The following INO80D variants were observed in gnomAD, a reference collection of about 807,000 sequenced individuals.
The protein encoded by INO80D is INO80 complex subunit D.
Under a neutral mutation model 87.6 loss-of-function variants are expected in INO80D, and 21 were observed. The observed-to-expected ratio is 0.24, with a 90% confidence interval of 0.17 to 0.35. The LOEUF (loss-of-function observed/expected upper bound fraction) is 0.35. Among genes scored for constraint, INO80D ranks in the 10% least tolerant of loss-of-function variants. INO80D has a pLI of 1.00. For synonymous variants in INO80D, 440 were observed against 491.0 expected, an observed-to-expected ratio of 0.90 and a Z score of 1.37; for missense variants, 982 against 1,280.7, an observed-to-expected ratio of 0.77 and a Z score of 3.56.
chr2:206,056,199 T>C lies in INO80D; in HGVS notation c.963A>G (p.Leu321=), dbSNP rs1380408865. The C allele has an allele frequency of 2.6e-6, 4 of 1,568,460 alleles. No homozygotes were observed. In the South Asian group the frequency reaches 4.8e-5, roughly 19 times the overall value. Residue 321 remains leucine, a splice_region_variant and synonymous_variant, in exon 4 of 11, where the codon TTA becomes TTG. Transcript: ENST00000403263. The stretch of plus-strand genomic sequence containing the variant: ...GATACGATAAAATAGATAACTCACC[T>C]AAATGGGGAAACAGATCAGTGTCCA... The part of the protein sequence containing the change: ...HQLDTDLFPH[L]GLDWSEESGE...
rs151268959 is a variant in INO80D, at chr2:206,042,508, C to G, written c.1073+3996G>C. On this transcript the variant is annotated intron_variant, in intron 5 of 10. Transcript: ENST00000403263. ...ACCAGCCTGGCCAACATGGTGAAAC[C>G]CTGTCTCTACTAAAAATAGAAAAGT... 6.5e-4 allele frequency among the ~76,000 whole-genome samples: 99 copies of G among 151,688 alleles called. 1 individual carries two copies. In the East Asian group the frequency reaches 0.018, roughly 27 times the overall value.
At chr2:206,067,542 T>C (rs1389544202) in intron 1 of INO80D, among the ~76,000 whole-genome samples, 1 of 152,176 alleles carries the variant, frequency 6.6e-6, no homozygotes, top group African/African-American at 2.4e-5. Flanking sequence ...ATACATTATA[T>C]GAATCAAAAC....
chr2:206,060,619 G>A (rs1439484854), intron 3 of INO80D, among the ~76,000 whole-genome samples: 2 of 150,010 alleles, frequency 1.3e-5, no homozygotes, highest in Admixed American at 1.3e-4. Context: ...GGAGTGCAAT[G>A]GCGCGATCTC....
intron 1 of INO80D, among the ~76,000 whole-genome samples, chr2:206,066,625 G>A (rs1293478220): frequency 6.6e-6 from 1 of 151,894 alleles, no homozygotes; most frequent in Non-Finnish European, 1.5e-5. Context: ...GGCCAACATG[G>A]CAAAACCCTT....
chr2:206,036,516 T>G (rs1483825884), intron 5 of INO80D, among the ~76,000 whole-genome samples: 1 of 152,122 alleles, frequency 6.6e-6, no homozygotes, highest in African/African-American at 2.4e-5. Context: ...CTCACTGATA[T>G]GTGGGAGCTA....
At chr2:206,023,381 A>AATGTAATATAAAAAGCTGCCGGC (rs1408937634) in intron 6 of INO80D, among the ~76,000 whole-genome samples, 1 of 151,916 alleles carries the variant, frequency 6.6e-6, no homozygotes, top group Non-Finnish European at 1.5e-5. Context: ...CCTAGAATAT[A>AATGTAATATAAAAAGCTGCCGGC]ATGTAATATA....
At chr2:206,075,036 T>A (rs1248525132) in intron 1 of INO80D, among the ~76,000 whole-genome samples, 2 of 25,360 alleles carry the variant, frequency 7.9e-5, no homozygotes, top group Non-Finnish European at 8.0e-5. Context: ...CGAAACTCCA[T>A]CTCAAAAAAA....
intron 1 of INO80D, among the ~76,000 whole-genome samples, chr2:206,072,821 T>C (rs1286209248): frequency 6.6e-6 from 1 of 151,652 alleles, no homozygotes; most frequent in Non-Finnish European, 1.5e-5. Flanking sequence ...TTTGTAATAA[T>C]TTTATAAAAA....
At chr2:206,050,961 T>C (rs1689348353) in intron 4 of INO80D, among the ~76,000 whole-genome samples, 1 of 146,786 alleles carries the variant, frequency 6.8e-6, no homozygotes, top group Non-Finnish European at 1.5e-5. Context: ...AGAGCGAAAC[T>C]CCGTCTCAAC....
At chr2:206,067,260 A>G (rs1689843716) in intron 1 of INO80D, among the ~76,000 whole-genome samples, 1 of 151,726 alleles carries the variant, frequency 6.6e-6, no homozygotes, top group Non-Finnish European at 1.5e-5. Flanking sequence ...AAAAAAAAAG[A>G]AGTAAAAAGT....
intron 1 of INO80D, among the ~76,000 whole-genome samples, chr2:206,075,464 T>C (rs1690088447): frequency 6.6e-6 from 1 of 151,058 alleles, no homozygotes; most frequent in Admixed American, 6.6e-5. Context: ...AAAGACAGAA[T>C]CTCATTCTGT....
intron 1 of INO80D, among the ~76,000 whole-genome samples, 173 bp from the exon 2 acceptor site, chr2:206,063,417 T>G (rs1205176904): frequency 2.6e-5 from 4 of 152,186 alleles, no homozygotes; most frequent in Non-Finnish European, 4.4e-5. Flanking sequence ...AAACATTAAG[T>G]TGGCTGGGCG....
intron 4 of INO80D, among the ~76,000 whole-genome samples, chr2:206,047,696 AC>A (rs1689234793): frequency 6.6e-6 from 1 of 151,584 alleles, no homozygotes; most frequent in African/African-American, 2.4e-5. Flanking sequence ...AGATAGAGTC[AC>A]TCTACATTTC....
intron 4 of INO80D, among the ~76,000 whole-genome samples, chr2:206,050,073 CA>C (rs1456804453): frequency 1.3e-5 from 2 of 151,608 alleles, no homozygotes; most frequent in Non-Finnish European, 2.9e-5. Flanking sequence ...GCAGAGGTTG[CA>C]ATGAGCTGAG....
chr2:206,014,634 CT>C (rs1027892779), intron 8 of INO80D, among the ~76,000 whole-genome samples: 46 of 147,522 alleles, frequency 3.1e-4, no homozygotes, highest in Admixed American at 6.8e-4. Flanking sequence ...AATTAAACCT[CT>C]TTTTTTTTTT....
At chr2:206,071,350 C>T (rs935012995) in intron 1 of INO80D, among the ~76,000 whole-genome samples, 2 of 124,102 alleles carry the variant, frequency 1.6e-5, no homozygotes, top group Admixed American at 9.6e-5. Context: ...AATGCCCAAG[C>T]TGGATTGAAC....
Position 205,999,456 on chromosome 2 carries a change from G to A in INO80D, c.*4912C>T, listed in dbSNP as rs533674699. ...AGTAGCCAAACATCCCCAGTATTGGGGAACATAGGGTAAAAAAGTCATACC... is the reference window on the plus strand; with the variant it reads ...AGTAGCCAAACATCCCCAGTATTGGAGAACATAGGGTAAAAAAGTCATACC... On this transcript the variant is annotated 3_prime_UTR_variant, in exon 11 of 11. Coordinates refer to ENST00000403263, the MANE Select transcript of INO80D (RefSeq NM_017759.5). 5.9e-5 allele frequency: 9 copies of A among 152,220 alleles called. No homozygotes were observed. In the East Asian group the frequency reaches 1.5e-3, roughly 26 times the overall value. 9.4% of individuals were successfully genotyped at this position (152,220 alleles called of 1,614,324 possible).
chr2:206,042,963 C>A (rs188559275), intron 5 of INO80D, among the ~76,000 whole-genome samples: 30 of 152,258 alleles, frequency 2.0e-4, no homozygotes, highest in Non-Finnish European at 3.1e-4. Flanking sequence ...TAGGGTAAGA[C>A]CCTGACTCAA....
Position 205,995,562 on chromosome 2 carries a change from T to C in INO80D, c.*8806A>G, listed in dbSNP as rs1345593497. The C allele has an allele frequency of 6.6e-6, 1 of 152,178 alleles. No individual in the cohort carries two copies. The highest frequency in any genetic ancestry group is 1.5e-5 in the Non-Finnish European group (1 of 68,012). 9.4% of individuals were successfully genotyped at this position (152,178 alleles called of 1,614,324 possible). A position where few individuals can be genotyped will look rare whatever the true frequency, so the allele number is the denominator to read the frequency against. Reference sequence around the variant, plus strand: ...GTTATATCAACACTATTTATATACATATATATCTGGAGAGCAATATTTCAT... The same window carrying C: ...GTTATATCAACACTATTTATATACACATATATCTGGAGAGCAATATTTCAT... On this transcript the variant is annotated 3_prime_UTR_variant, in exon 11 of 11. Transcript: ENST00000403263.
Sources: gnomAD v4.1 joint callset for allele counts (sites outside exome capture counted in the v4.1 genomes callset) on GRCh38, gnomAD v4.1.1 for gene constraint, MANE v1.5 for transcripts, NCBI Gene and HGNC (gene_info 2026-07-23, HGNC 2026-07-21) for gene names.